The following CSMD1 variants were observed in gnomAD, a reference collection of about 807,000 sequenced individuals.
CSMD1 encodes the protein CUB and sushi domain-containing protein 1.
CSMD1 carries 213 observed loss-of-function variants against 417.5 expected under a neutral mutation model. The observed-to-expected ratio is 0.51, with a 90% confidence interval of 0.46 to 0.57. The LOEUF is 0.57. Ranked by LOEUF, CSMD1 falls within the 20% of genes least tolerant of loss-of-function variation. The probability of loss-of-function intolerance (pLI) is 0.00; values close to 1 mark genes in which losing one functional copy is unlikely to be tolerated. For missense variants in CSMD1, 6,923 were observed against 4,529.7 expected, an observed-to-expected ratio of 1.53 and a Z score of -15.17; for synonymous variants, 2,862 against 1,736.8, an observed-to-expected ratio of 1.65 and a Z score of -16.11.
chr8:3,631,010 T>C (rs550670714), intron 7 of CSMD1, among the ~76,000 whole-genome samples: 6 of 152,272 alleles, frequency 3.9e-5, no homozygotes, highest in South Asian at 2.1e-4. Flanking sequence ...CAGCACCATG[T>C]TGAACCCTTG....
intron 3 of CSMD1, among the ~76,000 whole-genome samples, chr8:4,242,785 C>T (rs1038279074): frequency 1.3e-5 from 2 of 152,098 alleles, no homozygotes; most frequent in Non-Finnish European, 2.9e-5. Flanking sequence ...GTAATTTATT[C>T]ATTTATAAAG....
intron 1 of CSMD1, among the ~76,000 whole-genome samples, chr8:4,910,712 C>A (rs1805606044): frequency 6.6e-6 from 1 of 152,116 alleles, no homozygotes; most frequent in Admixed American, 6.5e-5. Flanking sequence ...TTAAGATATT[C>A]TTTGTAAGTG....
Position 4,305,246 on chromosome 8 carries a change from G to C in CSMD1, c.415+114707C>G, listed in dbSNP as rs148759513. 3.1e-3 allele frequency among the ~76,000 whole-genome samples: 477 copies of C among 152,318 alleles called. 4 individuals carry two copies. Among genetic ancestry groups the C allele is most frequent in the South Asian group, 4.4e-3 (21 of 4,824 alleles). On this transcript the variant is annotated intron_variant, in intron 3 of 69. Coordinates refer to ENST00000635120, the MANE Select transcript of CSMD1 (RefSeq NM_033225.6). ...AAGTGCCAGCAAACTTTGAGGCTTAGCTAAATCGGCCATTTCCAATGCCTG... is the reference window on the plus strand; with the variant it reads ...AAGTGCCAGCAAACTTTGAGGCTTACCTAAATCGGCCATTTCCAATGCCTG...
chr8:4,898,770 G>A (rs1422690617), intron 1 of CSMD1, among the ~76,000 whole-genome samples: 8 of 152,182 alleles, frequency 5.3e-5, no homozygotes, highest in Middle Eastern at 3.4e-3. Context: ...GTTGGAAGCG[G>A]GGGGAAGTGA....
intron 10 of CSMD1, among the ~76,000 whole-genome samples, chr8:3,563,285 T>C (rs369196095): frequency 2.0e-5 from 3 of 152,042 alleles, no homozygotes; most frequent in Non-Finnish European, 4.4e-5. Context: ...TTCCCAGTTA[T>C]CTAAAAGTGT....
chr8:3,733,850 G>A (rs1217020859), intron 6 of CSMD1, among the ~76,000 whole-genome samples: 2 of 152,118 alleles, frequency 1.3e-5, no homozygotes, highest in African/African-American at 4.8e-5. Context: ...TCTCATATGT[G>A]CCCCGTTTAT....
chr8:4,774,167 A>C (rs1042181995), intron 1 of CSMD1, among the ~76,000 whole-genome samples: 2 of 152,186 alleles, frequency 1.3e-5, no homozygotes, highest in Non-Finnish European at 2.9e-5. Context: ...GCCACTGCCT[A>C]CCAGCCTGGG....
intron 2 of CSMD1, among the ~76,000 whole-genome samples, chr8:4,609,012 G>GAAA (rs60439250): frequency 3.0e-4 from 42 of 138,324 alleles, no homozygotes; most frequent in African/African-American, 9.5e-4. Context: ...CTTGAATGTA[G>GAAA]AAAAAAAAAA....
intron 6 of CSMD1, among the ~76,000 whole-genome samples, chr8:3,739,089 G>C (rs1479744674): frequency 1.3e-5 from 2 of 152,100 alleles, no homozygotes; most frequent in Non-Finnish European, 2.9e-5. Flanking sequence ...TTTCAAAATA[G>C]TGGGGATTTA....
At chr8:4,350,994 C>T (rs534354459) in intron 3 of CSMD1, among the ~76,000 whole-genome samples, 1 of 152,124 alleles carries the variant, frequency 6.6e-6, no homozygotes, top group Admixed American at 6.6e-5. Context: ...TGCCTCTCTG[C>T]TTAATCGAAA....
chr8:4,248,938 A>G (rs1802880999), intron 3 of CSMD1, among the ~76,000 whole-genome samples: 1 of 152,232 alleles, frequency 6.6e-6, no homozygotes, highest in African/African-American at 2.4e-5. Context: ...ATGCATGTAG[A>G]TGCATAATAC....
chr8:4,066,650 T>C (rs1007338178), intron 3 of CSMD1, among the ~76,000 whole-genome samples: 62 of 152,196 alleles, frequency 4.1e-4, no homozygotes, highest in Non-Finnish European at 8.8e-5. Context: ...TTGTGGATGT[T>C]TTTGCTCATC....
intron 3 of CSMD1, among the ~76,000 whole-genome samples, chr8:4,400,648 A>G (rs1180799466): frequency 6.6e-6 from 1 of 152,124 alleles, no homozygotes; most frequent in Non-Finnish European, 1.5e-5. Flanking sequence ...AAGTCTTTAA[A>G]TTTAATACAA....
chr8:3,888,321 T>A (rs1477049953), intron 5 of CSMD1, among the ~76,000 whole-genome samples: 17 of 152,312 alleles, frequency 1.1e-4, no homozygotes, highest in African/African-American at 3.8e-4. Flanking sequence ...AAGGCAAGCA[T>A]TTGTATCCAA....
chr8:3,312,074 T>C (rs991326905), intron 23 of CSMD1, among the ~76,000 whole-genome samples: 4 of 152,200 alleles, frequency 2.6e-5, no homozygotes, highest in Admixed American at 2.0e-4. Context: ...AGCTTTGTTT[T>C]GTAATGTTTC....
At chr8:4,102,712 C>G (rs757330296) in intron 3 of CSMD1, among the ~76,000 whole-genome samples, 3 of 152,072 alleles carry the variant, frequency 2.0e-5, no homozygotes, top group Non-Finnish European at 2.9e-5. Context: ...TAAAATGTAT[C>G]CAAAAGATTT....
chr8:4,722,219 G>T (rs918724712), intron 1 of CSMD1, among the ~76,000 whole-genome samples: 2 of 152,022 alleles, frequency 1.3e-5, no homozygotes, highest in Non-Finnish European at 2.9e-5. Flanking sequence ...TAAATATATT[G>T]CTTTGCTTGA....
intron 1 of CSMD1, among the ~76,000 whole-genome samples, chr8:4,678,203 G>A (rs755896272): frequency 6.6e-5 from 10 of 151,358 alleles, no homozygotes; most frequent in Non-Finnish European, 1.2e-4. Flanking sequence ...ATGAGGCCGG[G>A]AGTTCGAGGT....
chr8:3,670,567 TATATATATGGG>T (rs1363846572), intron 7 of CSMD1, among the ~76,000 whole-genome samples: 15 of 147,102 alleles, frequency 1.0e-4, no homozygotes, highest in Non-Finnish European at 2.2e-4. Context: ...ATATGCGATA[TATATATATGGG>T]ATATATATGG....
Sources: allele counts gnomAD v4.1 joint callset (sites outside exome capture counted in the v4.1 genomes callset), GRCh38; gene constraint gnomAD v4.1.1; transcripts MANE v1.5; gene names NCBI Gene and HGNC (gene_info 2026-07-23, HGNC 2026-07-21).